UGT1A8: variants seen among roughly 807,000 people sequenced by gnomAD.
The protein encoded by UGT1A8 is UDP glucuronosyltransferase family 1 member A8, also known as UDP-glucuronosyltransferase 1A8.
In UGT1A8, 39 loss-of-function variants were observed where a neutral mutation model predicts 45.3. That is an observed-to-expected ratio of 0.86 (90% CI 0.67 to 1.12). UGT1A8 has a LOEUF of 1.12. Among genes scored for constraint, UGT1A8 ranks in the 50% most tolerant of loss-of-function variants. The pLI is 0.00. For missense variants in UGT1A8, 719 were observed against 664.9 expected (o/e 1.08, Z -0.90); for synonymous variants, 275 against 249.2 (o/e 1.10, Z -0.97).
At position 233,729,976 on chromosome 2, in the gene UGT1A8, A is replaced by G. The variant is rs201645683; in HGVS notation, c.856-37058A>G. The G allele has an allele frequency of 5.4e-5, 87 of 1,614,040 alleles. No individual in the cohort carries two copies. The highest frequency in any genetic ancestry group is 3.6e-4 in the East Asian group (16 of 44,888). On this transcript the variant is annotated intron_variant, in intron 1 of 4. Transcript: ENST00000373450. ...CATTGGGGGCATCAACTGTGCCAACAGGAAGCCACTATCTCAGGTCTGTAT... is the reference window on the plus strand; with the variant it reads ...CATTGGGGGCATCAACTGTGCCAACGGGAAGCCACTATCTCAGGTCTGTAT...
intron 1 of UGT1A8, among the ~76,000 whole-genome samples, chr2:233,681,049 C>CTTGTGGCTCACCTGTGTCACAA (rs1187980747): frequency 5.3e-5 from 8 of 151,900 alleles, no homozygotes; most frequent in Non-Finnish European, 1.5e-5. Context: ...ACAAGCAGCA[C>CTTGTGGCTCACCTGTGTCACAA]TTGTGGCTCA....
intron 1 of UGT1A8, among the ~76,000 whole-genome samples, chr2:233,702,368 CGTAGGATTTT>C (rs1383754925): frequency 6.6e-6 from 1 of 151,930 alleles, no homozygotes; most frequent in African/African-American, 2.4e-5. Context: ...TAGTGGATTT[CGTAGGATTTT>C]CTACATTCCA....
Position 233,672,892 on chromosome 2 carries a change from C to A in UGT1A8, c.855+54330C>A. ...TTTGACATTTTCATTTGTTTCATTT[C>A]AAATTTCTTTCCAGTTTAACAAATT... On this transcript the variant is annotated intron_variant, in intron 1 of 4. Transcript: ENST00000373450. 3 of 1,513,494 alleles carry A rather than the reference C, an allele frequency of 2.0e-6. No homozygotes were observed. The South Asian group carries it at 4.1e-5, about 21-fold the overall frequency. The allele number at this position is 1,513,494 out of a possible 1,614,324, so 93.8% of individuals were successfully genotyped here. A position where few individuals can be genotyped will look rare whatever the true frequency, so the allele number is the denominator to read the frequency against.
intron 1 of UGT1A8, among the ~76,000 whole-genome samples, chr2:233,674,386 C>T (rs771458147): frequency 6.6e-6 from 1 of 152,100 alleles, no homozygotes; most frequent in Non-Finnish European, 1.5e-5. Flanking sequence ...CCCCTTTACC[C>T]TCCATAAATT....
chr2:233,756,944 AC>A lies in UGT1A8; in HGVS notation c.856-10087del, dbSNP rs34531096. On this transcript the variant is annotated intron_variant, in intron 1 of 4. Transcript: ENST00000373450. ...ATAACCTCTAGTTACATAACCTGAA[AC>A]CCGGACTTGGCACTTGGTAAGCACG... 8.7e-4 allele frequency among the ~76,000 whole-genome samples: 132 copies of A among 152,140 alleles called. 1 individual carries two copies. The East Asian group carries it at 0.024, about 27-fold the overall frequency.
At chr2:233,646,110 C>A (rs140014513) in intron 1 of UGT1A8, among the ~76,000 whole-genome samples, 1 of 152,214 alleles carries the variant, frequency 6.6e-6, no homozygotes, top group Non-Finnish European at 1.5e-5. Context: ...TGCCAAGGCT[C>A]GGCACTTGCA....
intron 1 of UGT1A8, chr2:233,747,139 T>C: frequency 6.4e-7 from 1 of 1,552,428 alleles, no homozygotes; most frequent in East Asian, 2.3e-5. Flanking sequence ...AGTGACAAGG[T>C]AATTAAGATG....
intron 1 of UGT1A8, among the ~76,000 whole-genome samples, chr2:233,675,561 A>G (rs1302555577): frequency 6.6e-6 from 1 of 152,166 alleles, no homozygotes; most frequent in Non-Finnish European, 1.5e-5. Flanking sequence ...ATAGTCCAAG[A>G]TCCAAATTCA....
At chr2:233,719,438 A>G in intron 1 of UGT1A8, 1 of 1,613,920 alleles carries the variant, frequency 6.2e-7, no homozygotes, top group Non-Finnish European at 8.5e-7. Context: ...ACCACATGAC[A>G]TTCCTGCAAA....
In UGT1A8 at chr2:233,755,092, A is replaced by T. The variant is rs549594693; in HGVS notation, c.856-11942A>T. ...TAGCGGTCATAGATATCGCGTTTCT[A>T]CGCGTCCGACAACACCTCGTAGGCC... On this transcript the variant is annotated intron_variant, in intron 1 of 4. Transcript: ENST00000373450. 773 of 1,335,120 alleles carry T rather than the reference A, an allele frequency of 5.8e-4. 7 individuals carry two copies. Among genetic ancestry groups the T allele is most frequent in the Non-Finnish European group, 7.2e-4 (712 of 992,672 alleles). 82.7% of individuals were successfully genotyped at this position (1,335,120 alleles called of 1,614,324 possible).
At position 233,713,118 on chromosome 2, in the gene UGT1A8, A is replaced by G. The variant is rs45441297; in HGVS notation, c.856-53916A>G. 3.1e-4 allele frequency: 500 copies of G among 1,614,224 alleles called. 3 individuals are homozygous for G. In the East Asian group the frequency reaches 4.3e-3, roughly 14 times the overall value. ...GCCCACTGATGGCAGCCACTGGCTC[A>G]GCATGCGGGAGGCCTTGCGGGACCT... On this transcript the variant is annotated intron_variant, in intron 1 of 4. Coordinates refer to ENST00000373450, the MANE Select transcript of UGT1A8 (RefSeq NM_019076.5).
At chr2:233,640,991 T>C (rs1325002731) in intron 1 of UGT1A8, among the ~76,000 whole-genome samples, 1 of 152,110 alleles carries the variant, frequency 6.6e-6, no homozygotes, top group African/African-American at 2.4e-5. Context: ...AAAAATAACA[T>C]AATCTTCCTG....
At chr2:233,690,604 G>A (rs756529632) in intron 1 of UGT1A8, 73 of 1,288,948 alleles carry the variant, frequency 5.7e-5, no homozygotes, top group Non-Finnish European at 6.8e-5. Flanking sequence ...AAAAAAATCG[G>A]CCTTTGCCTG....
chr2:233,757,888 A>G (rs182101094), intron 1 of UGT1A8, among the ~76,000 whole-genome samples: 97 of 152,124 alleles, frequency 6.4e-4, no homozygotes, highest in African/African-American at 2.1e-3. Flanking sequence ...GGGTTCCAGA[A>G]ACACTTTCCA....
At chr2:233,628,989 A>G (rs1559314552) in intron 1 of UGT1A8, among the ~76,000 whole-genome samples, 1 of 152,098 alleles carries the variant, frequency 6.6e-6, no homozygotes, top group Non-Finnish European at 1.5e-5. Context: ...TATCATCTTC[A>G]TCACTTTAGG....
chr2:233,727,615 G>A (rs1416380597), intron 1 of UGT1A8, among the ~76,000 whole-genome samples: 1 of 152,148 alleles, frequency 6.6e-6, no homozygotes, highest in Non-Finnish European at 1.5e-5. Flanking sequence ...TAGTTCAGAG[G>A]CTGAGAGGTT....
chr2:233,729,990 T>G, intron 1 of UGT1A8: 1 of 1,614,036 alleles, frequency 6.2e-7, no homozygotes, highest in East Asian at 2.2e-5. Flanking sequence ...AGCCACTATC[T>G]CAGGTCTGTA....
chr2:233,686,584 C>T lies in UGT1A8; in HGVS notation c.855+68022C>T, dbSNP rs371449627. ...TGGTTTCAGAAGTTAGTGTGGATTACTGCTGCTTTCTTTGACTGTCTCTCT... is the reference window on the plus strand; with the variant it reads ...TGGTTTCAGAAGTTAGTGTGGATTATTGCTGCTTTCTTTGACTGTCTCTCT... On this transcript the variant is annotated intron_variant, in intron 1 of 4. Coordinates refer to ENST00000373450, the MANE Select transcript of UGT1A8 (RefSeq NM_019076.5). Among the ~76,000 whole-genome samples, 18 of 152,174 alleles carry T rather than the reference C, an allele frequency of 1.2e-4. No homozygotes were observed. In the East Asian group the frequency reaches 3.3e-3, roughly 28 times the overall value.
chr2:233,676,097 G>A (rs1455767022), intron 1 of UGT1A8, among the ~76,000 whole-genome samples: 1 of 152,168 alleles, frequency 6.6e-6, no homozygotes, highest in Non-Finnish European at 1.5e-5. Flanking sequence ...AAATGGGAAA[G>A]AATAGTCTTT....
Sources: allele counts gnomAD v4.1 joint callset (sites outside exome capture counted in the v4.1 genomes callset), GRCh38; gene constraint gnomAD v4.1.1; transcripts MANE v1.5; gene names NCBI Gene and HGNC (gene_info 2026-07-23, HGNC 2026-07-21).